Variants in THSD7B observed in about 807,000 individuals in gnomAD.
The protein encoded by THSD7B is thrombospondin type 1 domain containing 7B.
A neutral mutation model predicts 213.6 loss-of-function variants in THSD7B; 138 were observed. The ratio of observed to expected loss-of-function variants is 0.65; its 90% confidence interval spans 0.56 to 0.74. The LOEUF (loss-of-function observed/expected upper bound fraction) is 0.74. THSD7B is among the 30% of genes least tolerant of loss of function. The pLI, the probability that THSD7B is intolerant of heterozygous loss-of-function variation, is 0.00. For synonymous variants in THSD7B, 742 were observed against 687.0 expected (o/e 1.08, Z -1.25); for missense variants, 1,931 against 1,991.5 (o/e 0.97, Z 0.58).
intron 2 of THSD7B, among the ~76,000 whole-genome samples, chr2:136,997,759 A>G (rs1211153494): frequency 6.6e-6 from 1 of 152,128 alleles, no homozygotes; most frequent in Non-Finnish European, 1.5e-5. Context: ...CTCCTTGCCT[A>G]GTCTGGTTGA....
At chr2:137,297,131 T>C (rs1186489610) in intron 12 of THSD7B, among the ~76,000 whole-genome samples, 1 of 147,812 alleles carries the variant, frequency 6.8e-6, no homozygotes, top group Non-Finnish European at 1.5e-5. Flanking sequence ...AGAAAGTATC[T>C]AGTAGGCCTG....
rs1374187161 is a variant in THSD7B, at chr2:137,315,002, A to C, written c.2500+38976A>C. ...CCCCAGAGGTGGAGCCTACAGAGGC[A>C]GGCAGGCCTCCTTGAGCTGTGTTGG... On this transcript the variant is annotated intron_variant, in intron 12 of 27. Coordinates refer to ENST00000409968, the MANE Select transcript of THSD7B (RefSeq NM_001316349.2). Among the ~76,000 whole-genome samples, 5 of 152,360 alleles carry C rather than the reference A, an allele frequency of 3.3e-5. 1 individual carries two copies.
intron 1 of THSD7B, among the ~76,000 whole-genome samples, chr2:136,867,763 C>T (rs1162335765): frequency 6.6e-6 from 1 of 152,098 alleles, no homozygotes; most frequent in Non-Finnish European, 1.5e-5. Flanking sequence ...TGTAAAATTT[C>T]CAGTGGTAAA....
At chr2:137,321,448 C>T (rs972198962) in intron 12 of THSD7B, among the ~76,000 whole-genome samples, 1 of 152,140 alleles carries the variant, frequency 6.6e-6, no homozygotes, top group African/African-American at 2.4e-5. Flanking sequence ...TGTGTTTGTG[C>T]TAATGAGTTG....
chr2:137,014,275 T>C (rs1686292201), intron 2 of THSD7B, among the ~76,000 whole-genome samples: 1 of 152,182 alleles, frequency 6.6e-6, no homozygotes, highest in African/African-American at 2.4e-5. Flanking sequence ...TTCACACGTC[T>C]CTGCAACTAC....
At chr2:136,902,702 A>G (rs915112703) in intron 2 of THSD7B, among the ~76,000 whole-genome samples, 22 of 152,242 alleles carry the variant, frequency 1.4e-4, no homozygotes, top group African/African-American at 5.3e-4. Context: ...ATGATTCAGA[A>G]GAGGGTTCTC....
intron 15 of THSD7B, among the ~76,000 whole-genome samples, chr2:137,555,114 G>A (rs1328782220): frequency 1.3e-5 from 2 of 152,190 alleles, no homozygotes; most frequent in African/African-American, 4.8e-5. Flanking sequence ...TCCACCTCTA[G>A]GGGCAGGGCA....
chr2:137,165,747 C>T (rs950875450), intron 6 of THSD7B, among the ~76,000 whole-genome samples: 1 of 113,320 alleles, frequency 8.8e-6, no homozygotes, highest in Middle Eastern at 4.3e-3. Flanking sequence ...CTAGATATTT[C>T]ATACTCTTAA....
chr2:137,324,563 T>A (rs1684327869), intron 12 of THSD7B, among the ~76,000 whole-genome samples: 1 of 152,130 alleles, frequency 6.6e-6, no homozygotes, highest in Non-Finnish European at 1.5e-5. Context: ...TGCTTATAGT[T>A]AAAGGGGTAT....
At chr2:136,926,716 A>G (rs894175597) in intron 2 of THSD7B, among the ~76,000 whole-genome samples, 2 of 142,694 alleles carry the variant, frequency 1.4e-5, no homozygotes, top group Admixed American at 1.4e-4. Flanking sequence ...AAAAAAAAAA[A>G]CACAAAAAAC....
chr2:137,070,483 T>C (rs1057006876), intron 3 of THSD7B, among the ~76,000 whole-genome samples: 1 of 151,968 alleles, frequency 6.6e-6, no homozygotes, highest in African/African-American at 2.4e-5. Context: ...AATGTGATTG[T>C]TGGATAACAG....
At chr2:137,329,709 G>A (rs368226318) in intron 12 of THSD7B, among the ~76,000 whole-genome samples, 11 of 152,158 alleles carry the variant, frequency 7.2e-5, no homozygotes, top group African/African-American at 2.2e-4. Context: ...AGAGAAAGCC[G>A]AGGATAAAAG....
intron 5 of THSD7B, among the ~76,000 whole-genome samples, chr2:137,118,712 A>T (rs1322923548): frequency 1.3e-5 from 2 of 152,090 alleles, no homozygotes; most frequent in Non-Finnish European, 2.9e-5. Flanking sequence ...AGAGTACATG[A>T]CCACACAAGG....
chr2:137,399,640 A>G (rs965770675), intron 12 of THSD7B, among the ~76,000 whole-genome samples: 1 of 151,784 alleles, frequency 6.6e-6, no homozygotes, highest in Non-Finnish European at 1.5e-5. Flanking sequence ...CTTCTTTTTG[A>G]CTTTAGACAG....
intron 5 of THSD7B, among the ~76,000 whole-genome samples, chr2:137,130,512 AT>A (rs1688709078): frequency 6.7e-6 from 1 of 148,952 alleles, no homozygotes; most frequent in African/African-American, 2.5e-5. Flanking sequence ...ATATCTCCTA[AT>A]GCTATCCCTT....
At chr2:136,946,264 C>A (rs1239237257) in intron 2 of THSD7B, among the ~76,000 whole-genome samples, 5 of 152,146 alleles carry the variant, frequency 3.3e-5, no homozygotes, top group African/African-American at 9.7e-5. Context: ...CCACTCCAGA[C>A]CCTGTTTGCC....
chr2:137,273,206 AC>A (rs1222848524), intron 11 of THSD7B, among the ~76,000 whole-genome samples: 2 of 152,096 alleles, frequency 1.3e-5, no homozygotes, highest in Non-Finnish European at 2.9e-5. Flanking sequence ...AATTTCAGAA[AC>A]CATCCAATTA....
chr2:137,439,086 G>A (rs1379146165), intron 14 of THSD7B, among the ~76,000 whole-genome samples: 1 of 152,042 alleles, frequency 6.6e-6, no homozygotes, highest in Non-Finnish European at 1.5e-5. Context: ...AACTTTAGAG[G>A]GAACACAGCC....
At chr2:137,198,918 C>T (rs576244369) in intron 7 of THSD7B, among the ~76,000 whole-genome samples, 1 of 152,218 alleles carries the variant, frequency 6.6e-6, no homozygotes, top group Non-Finnish European at 1.5e-5. Flanking sequence ...ACAAAATTGT[C>T]ATTATTTTGC....
Sources: gnomAD v4.1 joint callset for allele counts (sites outside exome capture counted in the v4.1 genomes callset) on GRCh38, gnomAD v4.1.1 for gene constraint, MANE v1.5 for transcripts, NCBI Gene and HGNC (gene_info 2026-07-23, HGNC 2026-07-21) for gene names.